Variants in GSE1 observed in about 807,000 individuals in gnomAD.
The protein encoded by GSE1 is Gse1 coiled-coil protein.
A neutral mutation model predicts 112.6 loss-of-function variants in GSE1; 32 were observed. The observed-to-expected ratio is 0.28, with a 90% CI of 0.21 to 0.38. The LOEUF (loss-of-function observed/expected upper bound fraction) is 0.38, where lower values mean the gene tolerates loss of function less well. Ranked by LOEUF, GSE1 falls within the 10% of genes least tolerant of loss-of-function variation. The pLI is 1.00. For missense variants in GSE1, 2,348 were observed against 1,699.2 expected, an observed-to-expected ratio of 1.38 and a Z score of -6.71; for synonymous variants, 1,115 against 735.6, an observed-to-expected ratio of 1.52 and a Z score of -8.35.
At chr16:85,358,993 C>T (rs551613140) in intron 2 of GSE1, among the ~76,000 whole-genome samples, 1 of 152,344 alleles carries the variant, frequency 6.6e-6, no homozygotes, top group South Asian at 2.1e-4. Context: ...GTGCCTGGCT[C>T]ACGGGGCAGA....
Position 85,605,772 on chromosome 16 carries a change from GGTAGAGAGGGTGCTGCCC to G in GSE1, c.38-42775_38-42758del, listed in dbSNP as rs2047679060. Reference sequence around the variant, plus strand: ...CCCCAGGGTGTTTTTAGAGGTAAGTGGTAGAGAGGGTGCTGCCCGTAGCGAGCCGGATAAACTGAAGAC... The same window carrying G: ...CCCCAGGGTGTTTTTAGAGGTAAGTGGTAGCGAGCCGGATAAACTGAAGAC... On this transcript the variant is annotated intron_variant, in intron 1 of 2. Transcript: ENST00000635906. 3.9e-5 allele frequency among the ~76,000 whole-genome samples: 6 copies of G among 152,112 alleles called. No individual in the cohort carries two copies. In the South Asian group the frequency reaches 1.2e-3, roughly 32 times the overall value.
chr16:85,181,710 G>A (rs1283130737), intron 1 of GSE1, among the ~76,000 whole-genome samples: 2 of 152,216 alleles, frequency 1.3e-5, no homozygotes, highest in Admixed American at 6.5e-5. Context: ...GGCGGCAGCT[G>A]AAAAGTGGCG....
intron 2 of GSE1, among the ~76,000 whole-genome samples, chr16:85,643,054 G>A (rs2050573120): frequency 6.6e-6 from 1 of 152,206 alleles, no homozygotes; most frequent in South Asian, 2.1e-4. Context: ...TGGCTGACAG[G>A]TGCTGCTGTG....
intron 1 of GSE1, among the ~76,000 whole-genome samples, chr16:85,332,281 C>G (rs1481459977): frequency 6.6e-6 from 1 of 152,208 alleles, no homozygotes; most frequent in Non-Finnish European, 1.5e-5. Context: ...GTCTGTATGC[C>G]TTGGTCTCCC....
chr16:85,219,434 C>T (rs1400521926), intron 1 of GSE1, among the ~76,000 whole-genome samples: 1 of 152,204 alleles, frequency 6.6e-6, no homozygotes, highest in Non-Finnish European at 1.5e-5. Context: ...CCAGGACAGA[C>T]CTACCGCATG....
intron 2 of GSE1, among the ~76,000 whole-genome samples, chr16:85,460,706 C>T (rs1307039016): frequency 6.6e-6 from 1 of 152,050 alleles, no homozygotes; most frequent in Non-Finnish European, 1.5e-5. Flanking sequence ...GAGGCCAGGG[C>T]GGAGCACCCA....
rs1041128604 is a variant in GSE1 at position 85,268,968 on chromosome 16, G to T, written c.2284-88495G>T. On this transcript the variant is annotated intron_variant, in intron 1 of 2. Transcript: ENST00000637419. ...AGGTTCTGATTTTAATGACAGGGGA[G>T]GGGGAGGCTGCAGAAAATGCCAGGA... Among the ~76,000 whole-genome samples, 11 of 127,448 alleles carry T rather than the reference G, an allele frequency of 8.6e-5. 1 individual carries two copies. The highest frequency in any genetic ancestry group is 2.8e-4 in the African/African-American group (11 of 39,568). The allele number at this position is 127,448 out of a possible 152,430, so 83.6% of individuals were successfully genotyped here. A position where few individuals can be genotyped will look rare whatever the true frequency, so the allele number is the denominator to read the frequency against.
At chr16:85,474,656 C>G (rs376183632) in intron 2 of GSE1, among the ~76,000 whole-genome samples, 24 of 142,764 alleles carry the variant, frequency 1.7e-4, no homozygotes, top group East Asian at 1.2e-3. Flanking sequence ...TCTTGCCCCC[C>G]CTCTTCCCCC....
chr16:85,656,400 T>G lies in GSE1; in HGVS notation c.1047T>G (p.Arg349=). 2.1e-6 allele frequency: 3 copies of G among 1,450,950 alleles called. No homozygotes were observed. Among genetic ancestry groups the G allele is most frequent in the Non-Finnish European group, 2.8e-6 (3 of 1,075,886 alleles). The allele number at this position is 1,450,950 out of a possible 1,614,324, so 89.9% of individuals were successfully genotyped here. A position where few individuals can be genotyped will look rare whatever the true frequency, so the allele number is the denominator to read the frequency against. The change falls in exon 7 of 16, where the codon CGT becomes CGG. Residue 349 remains arginine (R), a synonymous_variant. Coordinates refer to ENST00000253458, the MANE Select transcript of GSE1 (RefSeq NM_014615.5). The stretch of plus-strand genomic sequence containing the variant: ...GGGAGCGCGAGCGCGAGCGCGAGCG[T>G]GAGCGTGAGGCTGACCGCGAGCGGG... ...RERERERERE[R]EREADREREK...
chr16:85,469,217 T>C (rs1255868448), intron 2 of GSE1, among the ~76,000 whole-genome samples: 1 of 151,666 alleles, frequency 6.6e-6, no homozygotes, highest in African/African-American at 2.4e-5. Context: ...GATCGTGCCA[T>C]TGCACTGCAG....
intron 1 of GSE1, among the ~76,000 whole-genome samples, chr16:85,210,161 G>C (rs1055776611): frequency 6.6e-6 from 1 of 152,178 alleles, no homozygotes; most frequent in Non-Finnish European, 1.5e-5. Flanking sequence ...TTTGTCAGCA[G>C]GTGTCAAGGG....
intron 2 of GSE1, among the ~76,000 whole-genome samples, chr16:85,420,110 C>CG (rs34679335): frequency 0.58 from 87,315 of 151,836 alleles, 25,622 homozygotes; most frequent in East Asian, 0.87. Flanking sequence ...TCAGGCCAGA[C>CG]GGGTGGTGGC....
At chr16:85,350,317 T>C (rs1184461628) in intron 1 of GSE1, among the ~76,000 whole-genome samples, 3 of 152,156 alleles carry the variant, frequency 2.0e-5, no homozygotes, top group Admixed American at 6.5e-5. Flanking sequence ...CAGTGCCGGC[T>C]TCCTGGGGTG....
intron 2 of GSE1, among the ~76,000 whole-genome samples, chr16:85,393,682 A>G (rs2047899802): frequency 6.6e-6 from 1 of 152,192 alleles, no homozygotes; most frequent in African/African-American, 2.4e-5. Flanking sequence ...ACAGGACCCC[A>G]AGGCAGGGGA....
At chr16:85,515,897 A>T (rs1451782955) in intron 2 of GSE1, among the ~76,000 whole-genome samples, 1 of 152,164 alleles carries the variant, frequency 6.6e-6, no homozygotes, top group Non-Finnish European at 1.5e-5. Flanking sequence ...GGCTCTGGCC[A>T]GTGGCTGTTC....
chr16:85,347,283 C>T (rs568768242), intron 1 of GSE1, among the ~76,000 whole-genome samples: 1 of 152,090 alleles, frequency 6.6e-6, no homozygotes, highest in African/African-American at 2.4e-5. Context: ...AGCCTAGCTC[C>T]CACTGCCAGC....
intron 2 of GSE1, among the ~76,000 whole-genome samples, chr16:85,450,505 A>G (rs943706069): frequency 6.6e-6 from 1 of 151,038 alleles, no homozygotes; most frequent in African/African-American, 2.4e-5. Flanking sequence ...GCTGGAGTGC[A>G]GTGGCCTGAT....
At chr16:85,423,232 A>T (rs1398259422) in intron 2 of GSE1, among the ~76,000 whole-genome samples, 3 of 152,232 alleles carry the variant, frequency 2.0e-5, no homozygotes, top group African/African-American at 7.2e-5. Context: ...CGCCCAGCCA[A>T]GCTGGAGAGC....
chr16:85,625,075 GAC>G (rs1567671300), intron 1 of GSE1, among the ~76,000 whole-genome samples: 2 of 152,132 alleles, frequency 1.3e-5, no homozygotes, highest in Non-Finnish European at 2.9e-5. Context: ...TCTGGACACC[GAC>G]CCCAGCCTTG....
Sources: gnomAD v4.1 joint callset for allele counts (sites outside exome capture counted in the v4.1 genomes callset) on GRCh38, gnomAD v4.1.1 for gene constraint, MANE v1.5 for transcripts, NCBI Gene and HGNC (gene_info 2026-07-23, HGNC 2026-07-21) for gene names.